The following FAM216A variants were observed in gnomAD, a reference collection of about 807,000 sequenced individuals.
FAM216A encodes protein FAM216A.
Under a neutral mutation model 37.6 loss-of-function variants are expected in FAM216A, and 26 were observed. The observed-to-expected ratio is 0.69, with a 90% CI of 0.51 to 0.96. The LOEUF is 0.96. Among genes scored for constraint, FAM216A ranks in the 40% least tolerant of loss-of-function variants. FAM216A has a pLI of 0.00. For missense variants in FAM216A, 326 were observed against 339.3 expected (o/e 0.96, Z 0.31); for synonymous variants, 110 against 121.7 (o/e 0.90, Z 0.64).
rs141277863 is a variant in FAM216A at position 110,487,086 on chromosome 12, A to G, written c.620+369A>G. The G allele has an allele frequency of 1.5e-3, 259 of 169,372 alleles. 1 individual carries two copies. The highest frequency in any genetic ancestry group is 5.8e-3 in the African/African-American group (245 of 42,036). The allele number at this position is 169,372 out of a possible 1,614,324, so 10.5% of individuals were successfully genotyped here. A position where few individuals can be genotyped will look rare whatever the true frequency, so the allele number is the denominator to read the frequency against. On this transcript the variant is annotated intron_variant, in intron 5 of 6. Coordinates refer to ENST00000377673, the MANE Select transcript of FAM216A (RefSeq NM_013300.3). ...GATATTAATGGTTGTGTTCCCTAAT[A>G]TATTCACTTTGCTAAATTCAGAATA...
intron 2 of FAM216A, among the ~76,000 whole-genome samples, chr12:110,481,443 C>G (rs2062746437): frequency 6.6e-6 from 1 of 152,102 alleles, no homozygotes; most frequent in Non-Finnish European, 1.5e-5. Flanking sequence ...CTGCCAGGTT[C>G]AAGTGATTCT....
At chr12:110,472,200 C>G (rs1461546550) in intron 1 of FAM216A, among the ~76,000 whole-genome samples, 2 of 151,184 alleles carry the variant, frequency 1.3e-5, no homozygotes, top group Non-Finnish European at 2.9e-5. Context: ...CATTGCACTC[C>G]AGCCTGGGCA....
chr12:110,468,441 G>C, upstream of FAM216A: 1 of 1,535,050 alleles, frequency 6.5e-7, no homozygotes, highest in Non-Finnish European at 8.7e-7. Context: ...GATGGAAATC[G>C]GCCGTTGGGA....
At chr12:110,476,965 T>A (rs1291866278) in intron 2 of FAM216A, among the ~76,000 whole-genome samples, 2 of 152,090 alleles carry the variant, frequency 1.3e-5, no homozygotes, top group African/African-American at 4.8e-5. Context: ...CAGGTGATCC[T>A]CCCACCTAAG....
intron 5 of FAM216A, 97 bp downstream of exon 5, chr12:110,486,814 T>A: frequency 1.8e-6 from 2 of 1,102,788 alleles, no homozygotes; most frequent in Admixed American, 2.2e-5. Context: ...TGGAGTGTAG[T>A]GGTGTGATAC....
chr12:110,480,193 A>ATT (rs71083126), intron 2 of FAM216A, among the ~76,000 whole-genome samples: 3 of 30,844 alleles, frequency 9.7e-5, no homozygotes, highest in East Asian at 1.4e-3. Context: ...CGCCTAGCTA[A>ATT]TTTTTTTTTT....
At position 110,490,006 on chromosome 12, in the gene FAM216A, A is replaced by G. The variant is rs886155671; in HGVS notation, c.704-13A>G. The G allele has an allele frequency of 8.4e-7, 1 of 1,188,974 alleles. No homozygotes were observed. The highest frequency in any genetic ancestry group is 1.5e-5 in the African/African-American group (1 of 66,490). The allele number at this position is 1,188,974 out of a possible 1,614,324, so 73.7% of individuals were successfully genotyped here. On this transcript the variant is annotated splice_polypyrimidine_tract_variant and intron_variant, in intron 6 of 6. Coordinates refer to ENST00000377673, the MANE Select transcript of FAM216A (RefSeq NM_013300.3). ...CCAAAACAGACAATTGTAAATTCTT[A>G]TTTTTCCTTCAGTTTCTTCAGATGA...
chr12:110,481,506 G>A (rs1822319755), intron 2 of FAM216A, among the ~76,000 whole-genome samples: 1 of 151,570 alleles, frequency 6.6e-6, no homozygotes, highest in Non-Finnish European at 1.5e-5. Flanking sequence ...CACCATGCCT[G>A]GCTAAGTATT....
At chr12:110,471,310 C>G (rs757053388) in intron 1 of FAM216A, among the ~76,000 whole-genome samples, 1 of 152,080 alleles carries the variant, frequency 6.6e-6, no homozygotes, top group African/African-American at 2.4e-5. Context: ...AGGATGGTCT[C>G]GATTTCCTGA....
At chr12:110,477,542 G>C (rs2062721624) in intron 2 of FAM216A, among the ~76,000 whole-genome samples, 1 of 151,474 alleles carries the variant, frequency 6.6e-6, no homozygotes, top group South Asian at 2.1e-4. Flanking sequence ...TTTTTTAGTA[G>C]AGACGGGGTC....
chr12:110,488,500 T>C (rs1180277124), intron 6 of FAM216A, among the ~76,000 whole-genome samples: 1 of 151,976 alleles, frequency 6.6e-6, no homozygotes, highest in Non-Finnish European at 1.5e-5. Context: ...TAAAGATACT[T>C]ACAATATCAA....
intron 1 of FAM216A, 43 bp from the exon 2 acceptor site, chr12:110,473,035 T>C: frequency 1.0e-6 from 1 of 974,170 alleles, no homozygotes; most frequent in South Asian, 1.6e-5. Flanking sequence ...CTTGTAACAT[T>C]GTAATTATTA....
intron 2 of FAM216A, among the ~76,000 whole-genome samples, chr12:110,483,278 C>A (rs2062758639): frequency 6.6e-6 from 1 of 150,626 alleles, no homozygotes; most frequent in Non-Finnish European, 1.5e-5. Context: ...TTGCAATGAG[C>A]CGAGATGGTG....
intron 2 of FAM216A, among the ~76,000 whole-genome samples, chr12:110,478,170 CTG>C (rs1457144720): frequency 6.6e-6 from 1 of 152,080 alleles, no homozygotes; most frequent in East Asian, 1.9e-4. Context: ...TACTTTAAAT[CTG>C]TTATTTATTT....
chr12:110,469,208 G>C, intron 1 of FAM216A, 190 bp downstream of exon 1: 1 of 608,218 alleles, frequency 1.6e-6, no homozygotes, highest in Non-Finnish European at 2.5e-6. Context: ...ACTGCCTCGC[G>C]GTTGAGGGAG....
intron 2 of FAM216A, among the ~76,000 whole-genome samples, chr12:110,480,027 CT>C (rs199676015): frequency 0.14 from 20,524 of 145,156 alleles, 2,053 homozygotes; most frequent in African/African-American, 0.28. Flanking sequence ...CTATTTTAAT[CT>C]TTTTTTTTTT....
chr12:110,481,347 T>C (rs2062746002), intron 2 of FAM216A, among the ~76,000 whole-genome samples: 2 of 152,144 alleles, frequency 1.3e-5, no homozygotes, highest in Admixed American at 1.3e-4. Context: ...ACTGCCATAC[T>C]ATTTTTCTTT....
chr12:110,471,082 G>A (rs912946381), intron 1 of FAM216A, among the ~76,000 whole-genome samples: 4 of 151,828 alleles, frequency 2.6e-5, no homozygotes, highest in Admixed American at 2.6e-4. Context: ...GGGAACTCCG[G>A]AACTCCTTAC....
chr12:110,483,430 T>A (rs1489288681), intron 2 of FAM216A, among the ~76,000 whole-genome samples: 1 of 152,202 alleles, frequency 6.6e-6, no homozygotes, highest in Non-Finnish European at 1.5e-5. Flanking sequence ...TCTCAGTATG[T>A]CTGAAACTGA....
Sources: allele counts gnomAD v4.1 joint callset (sites outside exome capture counted in the v4.1 genomes callset), GRCh38; gene constraint gnomAD v4.1.1; transcripts MANE v1.5; gene names NCBI Gene and HGNC (gene_info 2026-07-23, HGNC 2026-07-21).